Variants in TBC1D1 observed in about 807,000 individuals in gnomAD.
The protein encoded by TBC1D1 is TBC1 (tre-2/USP6, BUB2, cdc16) domain family, member 1.
A neutral mutation model predicts 125.6 loss-of-function variants in TBC1D1; 89 were observed. The ratio of observed to expected loss-of-function variants is 0.71; its 90% CI spans 0.60 to 0.85. The LOEUF (loss-of-function observed/expected upper bound fraction) is 0.85. Among genes scored for constraint, TBC1D1 ranks in the 40% least tolerant of loss-of-function variants. The pLI is 0.00. For missense variants in TBC1D1, 1,377 were observed against 1,469.2 expected, an observed-to-expected ratio of 0.94 and a Z score of 1.03; for synonymous variants, 565 against 564.1, an observed-to-expected ratio of 1.00 and a Z score of -0.02.
chr4:38,075,456 C>T (rs1269193491), intron 12 of TBC1D1, among the ~76,000 whole-genome samples: 3 of 152,174 alleles, frequency 2.0e-5, no homozygotes, highest in Non-Finnish European at 4.4e-5. Context: ...TGGGGTTTTC[C>T]AGGTGGAAAG....
intron 17 of TBC1D1, among the ~76,000 whole-genome samples, chr4:38,122,685 T>A (rs1217865560): frequency 6.6e-6 from 1 of 152,240 alleles, no homozygotes; most frequent in African/African-American, 2.4e-5. Context: ...CAGAGCCTAA[T>A]ACAGTGCCTG....
At chr4:37,941,649 T>C (rs1725595195) in intron 2 of TBC1D1, among the ~76,000 whole-genome samples, 1 of 152,254 alleles carries the variant, frequency 6.6e-6, no homozygotes, top group Non-Finnish European at 1.5e-5. Context: ...CTGCTTTCTC[T>C]TGTGGGCATT....
intron 4 of TBC1D1, 110 bp from the exon 5 acceptor site, chr4:38,020,481 A>G (rs77233308): frequency 0.019 from 16,181 of 866,630 alleles, 282 homozygotes; most frequent in South Asian, 0.054. Context: ...TCCATCTCAA[A>G]AAGATAATAA....
chr4:38,045,575 C>T (rs920155117), intron 9 of TBC1D1, among the ~76,000 whole-genome samples: 1 of 152,114 alleles, frequency 6.6e-6, no homozygotes, highest in African/African-American at 2.4e-5. Context: ...TGTCTTCCTG[C>T]CTATCACTCA....
chr4:37,972,473 C>T (rs1205409872), intron 2 of TBC1D1, among the ~76,000 whole-genome samples: 4 of 131,300 alleles, frequency 3.0e-5, no homozygotes, highest in East Asian at 2.3e-4. Flanking sequence ...AAAAGGGAAA[C>T]GCCGTTTCAA....
At chr4:37,984,754 A>T (rs1735082798) in intron 2 of TBC1D1, among the ~76,000 whole-genome samples, 1 of 151,506 alleles carries the variant, frequency 6.6e-6, no homozygotes, top group African/African-American at 2.4e-5. Context: ...GAGGCACGAG[A>T]ATTCCTTGAG....
chr4:37,956,199 T>C (rs1055309875), intron 2 of TBC1D1, among the ~76,000 whole-genome samples: 1 of 151,966 alleles, frequency 6.6e-6, no homozygotes, highest in Admixed American at 6.6e-5. Context: ...TTTGTAGAGA[T>C]GGGAGCGGGG....
intron 6 of TBC1D1, 141 bp from the exon 7 acceptor site, chr4:38,027,647 T>A (rs975970744): frequency 1.6e-5 from 8 of 489,178 alleles, no homozygotes; most frequent in East Asian, 3.5e-5. Context: ...AAAAAAAAAA[T>A]AAAATATTTT....
Position 37,995,238 on chromosome 4 carries a change from A to T in TBC1D1, c.418-19271A>T, listed in dbSNP as rs1737545256. 6.6e-6 allele frequency among the ~76,000 whole-genome samples: 1 copy of T among 152,172 alleles called. No individual in the cohort carries two copies. The highest frequency in any genetic ancestry group is 6.5e-5 in the Admixed American group (1 of 15,276). The stretch of plus-strand genomic sequence containing the variant: ...TAGGAGCCTGGACAGATAAAGGTGT[A>T]AACAAAAATGTTAGCAGAGGGTTAG... On this transcript the variant is annotated intron_variant, in intron 2 of 19. Transcript: ENST00000261439. This position sits in a 1 kb window ranked among gnomAD's most constrained non-coding sequence, Gnocchi z 4.3.
chr4:37,970,872 G>A (rs1029007821), intron 2 of TBC1D1, among the ~76,000 whole-genome samples: 4 of 152,156 alleles, frequency 2.6e-5, no homozygotes, highest in African/African-American at 9.7e-5. Context: ...TTTTTAACCA[G>A]GTCTTAGGGT....
intron 2 of TBC1D1, among the ~76,000 whole-genome samples, chr4:37,955,874 C>T (rs182373042): frequency 7.2e-5 from 11 of 151,796 alleles, no homozygotes; most frequent in East Asian, 2.0e-4. Flanking sequence ...TGGTGTCTCA[C>T]GCCTGTAATT....
At chr4:38,119,034 C>T (rs952238683) in intron 17 of TBC1D1, among the ~76,000 whole-genome samples, 2 of 152,042 alleles carry the variant, frequency 1.3e-5, no homozygotes, top group Non-Finnish European at 2.9e-5. Context: ...ATATTTTTGA[C>T]AATTCAGGTT....
intron 2 of TBC1D1, among the ~76,000 whole-genome samples, chr4:38,007,636 T>C (rs1011413211): frequency 6.6e-6 from 1 of 152,250 alleles, no homozygotes; most frequent in Non-Finnish European, 1.5e-5. Context: ...TTAGTACTTC[T>C]GTAGCACTTG....
At chr4:37,894,936 G>A (rs1296794702) in intron 1 of TBC1D1, among the ~76,000 whole-genome samples, 5 of 152,182 alleles carry the variant, frequency 3.3e-5, no homozygotes, top group Non-Finnish European at 7.3e-5. Flanking sequence ...ATTTATTAGT[G>A]AGGGAACCCT....
intron 3 of TBC1D1, among the ~76,000 whole-genome samples, chr4:38,016,262 T>A (rs1742694590): frequency 6.6e-6 from 1 of 152,214 alleles, no homozygotes; most frequent in Non-Finnish European, 1.5e-5. Context: ...AAAGTGATTT[T>A]CACCTAACAC....
At chr4:38,106,723 G>A (rs113002731) in intron 15 of TBC1D1, among the ~76,000 whole-genome samples, 3 of 152,242 alleles carry the variant, frequency 2.0e-5, no homozygotes, top group African/African-American at 7.2e-5. Context: ...GACACGATCA[G>A]CCCCTGCTTC....
chr4:38,133,697 A>G (rs535832830), intron 19 of TBC1D1, among the ~76,000 whole-genome samples: 1 of 152,348 alleles, frequency 6.6e-6, no homozygotes, highest in South Asian at 2.1e-4. Flanking sequence ...AAGAGATGAT[A>G]ATTCTTTGTG....
intron 2 of TBC1D1, among the ~76,000 whole-genome samples, chr4:37,981,677 C>T (rs1734359849): frequency 6.6e-6 from 1 of 152,138 alleles, no homozygotes; most frequent in Non-Finnish European, 1.5e-5. Flanking sequence ...TGGAATATAT[C>T]CAGCTGGGTG....
At chr4:38,032,854 A>T (rs1025300935) in intron 7 of TBC1D1, among the ~76,000 whole-genome samples, 1 of 152,048 alleles carries the variant, frequency 6.6e-6, no homozygotes, top group South Asian at 2.1e-4. Context: ...AAAAAAAAAA[A>T]AAAGAAAGAA....
Sources: allele counts gnomAD v4.1 joint callset (sites outside exome capture counted in the v4.1 genomes callset), GRCh38; gene constraint gnomAD v4.1.1; non-coding constraint Gnocchi (gnomAD v3.1); transcripts MANE v1.5; gene names NCBI Gene and HGNC (gene_info 2026-07-23, HGNC 2026-07-21).